The following AGTR1 variants were observed in gnomAD, a reference collection of about 807,000 sequenced individuals.
AGTR1 encodes the protein angiotensin II receptor type 1.
A neutral mutation model predicts 19.4 loss-of-function variants in AGTR1; 16 were observed. That is an observed-to-expected ratio of 0.82 (90% confidence interval 0.56 to 1.25). The LOEUF (loss-of-function observed/expected upper bound fraction) is 1.25, where lower values mean the gene tolerates loss of function less well. Ranked by LOEUF, AGTR1 falls within the 50% of genes most tolerant of loss-of-function variation. The pLI, the probability that AGTR1 is intolerant of heterozygous loss-of-function variation, is 0.00. For missense variants in AGTR1, 373 were observed against 431.9 expected (o/e 0.86, Z 1.21); for synonymous variants, 153 against 154.9 (o/e 0.99, Z 0.09).
At chr3:148,702,405 A>G (rs1038651960) in intron 1 of AGTR1, among the ~76,000 whole-genome samples, 1 of 152,248 alleles carries the variant, frequency 6.6e-6, no homozygotes, top group African/African-American at 2.4e-5. Flanking sequence ...TCTATAAAAT[A>G]TATCAACAAC....
At chr3:148,712,976 T>G (rs570167330) in intron 2 of AGTR1, among the ~76,000 whole-genome samples, 1 of 152,254 alleles carries the variant, frequency 6.6e-6, no homozygotes, top group East Asian at 1.9e-4. Context: ...CCTGGACTTC[T>G]GCTGGAATTT....
chr3:148,719,180 T>C (rs1299227131), intron 2 of AGTR1, among the ~76,000 whole-genome samples: 1 of 152,152 alleles, frequency 6.6e-6, no homozygotes, highest in Non-Finnish European at 1.5e-5. Context: ...CCTCTAGTGG[T>C]TGAACAGTTT....
intron 2 of AGTR1, among the ~76,000 whole-genome samples, chr3:148,713,065 A>G (rs572399805): frequency 1.3e-5 from 2 of 151,846 alleles, no homozygotes; most frequent in Admixed American, 6.6e-5. Context: ...AATTAAGTGA[A>G]GGAAAAATCT....
chr3:148,698,694 C>T (rs533203970), intron 1 of AGTR1, among the ~76,000 whole-genome samples: 2 of 152,298 alleles, frequency 1.3e-5, no homozygotes, highest in East Asian at 3.9e-4. Context: ...ACTCTCCCAC[C>T]CTCAGGGTTC....
Position 148,741,392 on chromosome 3 carries a change from C to T in AGTR1, c.357C>T (p.Leu119=), listed in dbSNP as rs774349557. ...SFNLYASVFL[L]TCLSIDRYLA... The stretch of plus-strand genomic sequence containing the variant: ...ACCTGTACGCTAGTGTGTTTCTACT[C>T]ACGTGTCTCAGCATTGATCGATACC... The change falls in exon 3 of 3, where the codon CTC becomes CTT. Residue 119 remains leucine (L), a synonymous_variant. Transcript: ENST00000349243. 118 of 1,603,004 alleles carry T rather than the reference C, an allele frequency of 7.4e-5. No homozygotes were observed. The highest frequency in any genetic ancestry group is 9.4e-5 in the Non-Finnish European group (111 of 1,178,012).
In AGTR1 at chr3:148,733,853, G is replaced by A. The variant is rs187546484; in HGVS notation, c.-47-7136G>A. 2.6e-5 allele frequency among the ~76,000 whole-genome samples: 4 copies of A among 152,194 alleles called. No homozygotes were observed. The East Asian group carries it at 7.7e-4, about 29-fold the overall frequency. Reference sequence around the variant, plus strand: ...TATTTTCCTTTTCTCCTAGTCTCTGGAGTCTCCTCTCTCCAGACACCCTGG... The same window carrying A: ...TATTTTCCTTTTCTCCTAGTCTCTGAAGTCTCCTCTCTCCAGACACCCTGG... On this transcript the variant is annotated intron_variant, in intron 2 of 2. Transcript: ENST00000349243.
At chr3:148,714,994 G>A (rs184885906) in intron 2 of AGTR1, among the ~76,000 whole-genome samples, 4 of 152,248 alleles carry the variant, frequency 2.6e-5, no homozygotes, top group East Asian at 3.9e-4. Context: ...ACCACTGAGT[G>A]CAAAATGTCA....
intron 2 of AGTR1, among the ~76,000 whole-genome samples, chr3:148,708,840 A>G (rs979131694): frequency 1.3e-5 from 2 of 152,236 alleles, no homozygotes; most frequent in African/African-American, 4.8e-5. Flanking sequence ...CCTCCAGGGA[A>G]AATGAAGAGT....
Position 148,731,979 on chromosome 3 carries a change from G to A in AGTR1, c.-47-9010G>A, listed in dbSNP as rs12721290. On this transcript the variant is annotated intron_variant, in intron 2 of 2. Coordinates refer to ENST00000349243, the MANE Select transcript of AGTR1 (RefSeq NM_000685.5). ...CAGAATGTTGAAACCTTCTCTTGAA[G>A]TTCTCTTATAATACTCTGCCCTCAC... 2.3e-3 allele frequency among the ~76,000 whole-genome samples: 343 copies of A among 152,306 alleles called. 1 individual carries two copies. The highest frequency in any genetic ancestry group is 7.5e-3 in the African/African-American group (313 of 41,564).
At chr3:148,729,229 CAA>C (rs1256689374) in intron 2 of AGTR1, among the ~76,000 whole-genome samples, 6 of 152,256 alleles carry the variant, frequency 3.9e-5, no homozygotes, top group African/African-American at 1.4e-4. Context: ...AAGTTAAAAA[CAA>C]GAGGAGATGA....
intron 2 of AGTR1, among the ~76,000 whole-genome samples, chr3:148,708,928 A>T (rs114553820): frequency 1.2e-4 from 19 of 152,312 alleles, no homozygotes; most frequent in African/African-American, 4.6e-4. Flanking sequence ...GGGTGGGTAG[A>T]TAAATATTAG....
In AGTR1 at chr3:148,741,790, C is replaced by T. The variant is rs1414427195; in HGVS notation, c.755C>T (p.Ser252Phe). The stretch of plus-strand genomic sequence containing the variant: ...GCAATTGTGCTTTTCTTTTTCTTTT[C>T]CTGGATTCCCCACCAAATATTCACT... ...IMAIVLFFFF[S>F]WIPHQIFTFL... is the part of the protein sequence containing the mutation. The change falls in exon 3 of 3, where the codon TCC (serine) becomes TTC (phenylalanine). Residue 252 changes from serine to phenylalanine, a missense_variant. Physicochemically the swap from Ser to Phe is radical, Grantham distance 155 (BLOSUM62 -2). Transcript: ENST00000349243. 1 of 1,613,016 alleles carries T rather than the reference C, an allele frequency of 6.2e-7. No individual in the cohort carries two copies. Among genetic ancestry groups the T allele is most frequent in the South Asian group, 1.1e-5 (1 of 91,060 alleles).
At position 148,742,234 on chromosome 3, in the gene AGTR1, C is replaced by T. The variant is rs1383188920; in HGVS notation, c.*119C>T. On this transcript the variant is annotated 3_prime_UTR_variant, in exon 3 of 3. Transcript: ENST00000349243. ...CTTTTCAGAATTGAAGGAGAAAATGCATTATGTGGACTGAACCGACTTTTC... is the reference window on the plus strand; with the variant it reads ...CTTTTCAGAATTGAAGGAGAAAATGTATTATGTGGACTGAACCGACTTTTC... 1 of 1,388,964 alleles carries T rather than the reference C, an allele frequency of 7.2e-7. No individual in the cohort carries two copies. The highest frequency in any genetic ancestry group is 1.0e-6 in the Non-Finnish European group (1 of 975,762). 86.0% of individuals were successfully genotyped at this position (1,388,964 alleles called of 1,614,324 possible). A position where few individuals can be genotyped will look rare whatever the true frequency, so the allele number is the denominator to read the frequency against.
chr3:148,704,758 G>A (rs952004873), intron 1 of AGTR1, among the ~76,000 whole-genome samples: 4 of 152,126 alleles, frequency 2.6e-5, no homozygotes, highest in African/African-American at 9.7e-5. Context: ...GGGGCTTATT[G>A]ATGTTGGTCA....
At chr3:148,700,626 T>C (rs1712282573) in intron 1 of AGTR1, among the ~76,000 whole-genome samples, 1 of 152,146 alleles carries the variant, frequency 6.6e-6, no homozygotes. Flanking sequence ...AAATTAAGAA[T>C]TGTGTTTAGA....
Position 148,741,612 on chromosome 3 carries a change from A to C in AGTR1, c.577A>C (p.Ile193Leu), listed in dbSNP as rs1162242884. Residue 193 changes from isoleucine (I) to leucine (L), a missense_variant, in exon 3 of 3, where the codon ATA becomes CTA. Ile to Leu is a conservative substitution (Grantham distance 5). Transcript: ENST00000349243. The stretch of plus-strand genomic sequence containing the variant: ...TGAGTCCCAAAATTCAACCCTCCCG[A>C]TAGGGCTGGGCCTGACCAAAAATAT... ...HYESQNSTLP[I>L]GLGLTKNILG... 1 of 1,614,096 alleles carries C rather than the reference A, an allele frequency of 6.2e-7. No individual in the cohort carries two copies. Among genetic ancestry groups the C allele is most frequent in the Admixed American group, 1.7e-5 (1 of 60,014 alleles).
At chr3:148,709,944 T>C (rs12695879) in intron 2 of AGTR1, among the ~76,000 whole-genome samples, 2 of 152,140 alleles carry the variant, frequency 1.3e-5, no homozygotes, top group African/African-American at 4.8e-5. Flanking sequence ...TAGACCTGCA[T>C]CATCCATTAT....
chr3:148,705,113 A>G (rs1264366545), intron 1 of AGTR1, among the ~76,000 whole-genome samples: 1 of 152,178 alleles, frequency 6.6e-6, no homozygotes, highest in Non-Finnish European at 1.5e-5. Context: ...AGCCCCTAAG[A>G]GTCCCCTGGT....
At chr3:148,704,366 G>T (rs769106015) in intron 1 of AGTR1, among the ~76,000 whole-genome samples, 34 of 149,900 alleles carry the variant, frequency 2.3e-4, no homozygotes, top group African/African-American at 8.4e-4. Flanking sequence ...ACCCTGTCTC[G>T]AATAATAATA....
Sources: gnomAD v4.1 joint callset for allele counts (sites outside exome capture counted in the v4.1 genomes callset) on GRCh38, gnomAD v4.1.1 for gene constraint, MANE v1.5 for transcripts, NCBI Gene and HGNC (gene_info 2026-07-23, HGNC 2026-07-21) for gene names.